PCDH7: variants seen among roughly 807,000 people sequenced by gnomAD.
PCDH7 encodes the protein protocadherin-7.
In PCDH7, 17 loss-of-function variants were observed where a neutral mutation model predicts 58.9. The ratio of observed to expected loss-of-function variants is 0.29; its 90% CI spans 0.20 to 0.43. The LOEUF (loss-of-function observed/expected upper bound fraction) is 0.43. Ranked by LOEUF, PCDH7 falls within the 20% of genes least tolerant of loss-of-function variation. The probability of loss-of-function intolerance (pLI) is 1.00; values close to 1 mark genes in which losing one functional copy is unlikely to be tolerated. For synonymous variants in PCDH7, 664 were observed against 616.4 expected, an observed-to-expected ratio of 1.08 and a Z score of -1.14; for missense variants, 1,274 against 1,441.0, an observed-to-expected ratio of 0.88 and a Z score of 1.88.
intron 2 of PCDH7, among the ~76,000 whole-genome samples, chr4:30,935,678 C>G (rs899543650): frequency 7.2e-5 from 11 of 152,102 alleles, no homozygotes; most frequent in Non-Finnish European, 1.5e-4. Context: ...GCTGAGATTA[C>G]AGACAACCGT....
At chr4:31,021,183 C>G (rs1257522080) in intron 3 of PCDH7, among the ~76,000 whole-genome samples, 1 of 152,112 alleles carries the variant, frequency 6.6e-6, no homozygotes, top group South Asian at 2.1e-4. Context: ...GGATAAGGGT[C>G]TCCAATGGCA....
At chr4:30,857,845 C>G (rs1254735582) in intron 1 of PCDH7, among the ~76,000 whole-genome samples, 3 of 152,118 alleles carry the variant, frequency 2.0e-5, no homozygotes, top group Non-Finnish European at 4.4e-5. Flanking sequence ...GTGCAGATCC[C>G]AGTCTTCTGC....
At chr4:30,799,950 T>TCCATGCGATTCTTC (rs1725312505) in intron 1 of PCDH7, among the ~76,000 whole-genome samples, 2 of 151,788 alleles carry the variant, frequency 1.3e-5, no homozygotes, top group South Asian at 4.2e-4. Flanking sequence ...ACCTGCCAGG[T>TCCATGCGATTCTTC]CCATGCGATT....
chr4:30,808,151 A>G (rs1173061106), intron 1 of PCDH7, among the ~76,000 whole-genome samples: 1 of 152,216 alleles, frequency 6.6e-6, no homozygotes, highest in Non-Finnish European at 1.5e-5. Context: ...TAAATGAACA[A>G]ACAGACTGAA....
At chr4:30,724,115 T>C in exon 1 of PCDH7, 1 of 1,613,950 alleles carries the variant, frequency 6.2e-7, no homozygotes, top group Non-Finnish European at 8.5e-7. Context: ...ATCTTAATTG[T>C]AGTGATGGCA....
At chr4:31,110,442 A>T (rs973383258) in intron 3 of PCDH7, among the ~76,000 whole-genome samples, 1 of 152,228 alleles carries the variant, frequency 6.6e-6, no homozygotes, top group Admixed American at 6.5e-5. Flanking sequence ...TTGTTCACTT[A>T]TGGAAACTAG....
At chr4:30,797,254 T>C (rs575533161) in intron 1 of PCDH7, among the ~76,000 whole-genome samples, 1 of 148,522 alleles carries the variant, frequency 6.7e-6, no homozygotes, top group Non-Finnish European at 1.5e-5. Context: ...CTTTGTTTTG[T>C]TTTGTTTGGT....
At chr4:31,059,428 A>T (rs1444623223) in intron 3 of PCDH7, among the ~76,000 whole-genome samples, 1 of 151,960 alleles carries the variant, frequency 6.6e-6, no homozygotes, top group East Asian at 1.9e-4. Context: ...CACTCATTGA[A>T]AGCATGACAG....
chr4:30,869,618 CT>C (rs1735298552), intron 1 of PCDH7, among the ~76,000 whole-genome samples: 1 of 152,094 alleles, frequency 6.6e-6, no homozygotes, highest in Non-Finnish European at 1.5e-5. Context: ...TGAACCCATC[CT>C]TTTTTATGGC....
chr4:30,724,739 A>G, intron 1 of PCDH7, 143 bp downstream of exon 1: 1 of 1,449,394 alleles, frequency 6.9e-7, no homozygotes, highest in Non-Finnish European at 9.1e-7. Context: ...TTTTTGCACC[A>G]TTAATTTAGC....
rs1232703630 is a variant in PCDH7, at chr4:31,061,400, T to C, written c.*8-81073T>C. The stretch of plus-strand genomic sequence containing the variant: ...GATAATAATATGATGATGCAAAATC[T>C]AAAGATTATAGTTTTAATTTTCTTC... On this transcript the variant is annotated intron_variant, in intron 3 of 3. Coordinates refer to the PCDH7 transcript ENST00000509759. Among the ~76,000 whole-genome samples, 5 of 151,668 alleles carry C rather than the reference T, an allele frequency of 3.3e-5. No homozygotes were observed. In the South Asian group the frequency reaches 1.0e-3, roughly 31 times the overall value.
In PCDH7 at chr4:30,722,598, G is replaced by GC. The variant is rs1185137028; in HGVS notation, c.1182dup (p.Lys395GlnfsTer10). On this transcript the variant is annotated frameshift_variant, in exon 1 of 2. Transcript: ENST00000361762. LOFTEE classifies it high-confidence loss of function. The surrounding 1 kb of genome is among the most constrained non-coding windows in gnomAD (Gnocchi z 7.6). The stretch of plus-strand genomic sequence containing the variant: ...CGGTCATGGCCCGCGACCGCGGGCA[G>GC]CCCCCCAAGACCGACAAGGCCACCG... 6.2e-7 allele frequency: 1 copy of GC among 1,613,132 alleles called. No individual in the cohort carries two copies.
At chr4:31,047,301 A>T (rs1756364158) in intron 3 of PCDH7, among the ~76,000 whole-genome samples, 1 of 152,088 alleles carries the variant, frequency 6.6e-6, no homozygotes, top group Admixed American at 6.6e-5. Flanking sequence ...GCATGTGTAC[A>T]CTACCCTATA....
intron 1 of PCDH7, among the ~76,000 whole-genome samples, chr4:30,891,220 G>A (rs1738564348): frequency 6.6e-6 from 1 of 151,922 alleles, no homozygotes; most frequent in Admixed American, 6.6e-5. Context: ...TGAACAATTA[G>A]GTATATTTTA....
intron 3 of PCDH7, among the ~76,000 whole-genome samples, chr4:30,952,929 A>G (rs1560530238): frequency 6.6e-6 from 1 of 152,172 alleles, no homozygotes; most frequent in Non-Finnish European, 1.5e-5. Flanking sequence ...CTACCAAGAT[A>G]CTCATAACAC....
At position 31,067,733 on chromosome 4, in the gene PCDH7, TA is replaced by T. The variant is rs574627840; in HGVS notation, c.*8-74734del. ...ATTTATGAGCGCATAGCCCCTTTTC[TA>T]AAAAATTCAGCAGAACAAACAAGCT... On this transcript the variant is annotated intron_variant, in intron 3 of 3. Transcript: ENST00000509759. Among the ~76,000 whole-genome samples the T allele has an allele frequency of 1.3e-3, 201 of 152,126 alleles. 5 individuals are homozygous for T. The South Asian group carries it at 0.024, about 18-fold the overall frequency.
intron 1 of PCDH7, among the ~76,000 whole-genome samples, chr4:30,811,732 T>C (rs1727042979): frequency 6.6e-6 from 1 of 152,182 alleles, no homozygotes; most frequent in African/African-American, 2.4e-5. Flanking sequence ...AAATATAATC[T>C]GTAGTGTTTT....
chr4:30,934,097 G>C (rs1745032022), intron 2 of PCDH7, among the ~76,000 whole-genome samples: 1 of 152,178 alleles, frequency 6.6e-6, no homozygotes, highest in Non-Finnish European at 1.5e-5. Flanking sequence ...GGCATTTCTA[G>C]TTTCCTGGAC....
intron 1 of PCDH7, among the ~76,000 whole-genome samples, chr4:30,894,095 T>A (rs1738967427): frequency 6.6e-6 from 1 of 152,118 alleles, no homozygotes; most frequent in Admixed American, 6.6e-5. Context: ...TATATTTTGT[T>A]CTTAAGAAAT....
Sources: allele counts gnomAD v4.1 joint callset (sites outside exome capture counted in the v4.1 genomes callset), GRCh38; gene constraint gnomAD v4.1.1; non-coding constraint Gnocchi (gnomAD v3.1); transcripts MANE v1.5; gene names NCBI Gene and HGNC (gene_info 2026-07-23, HGNC 2026-07-21).